The following RCBTB1 variants were observed in gnomAD, a reference collection of about 807,000 sequenced individuals.
The protein encoded by RCBTB1 is RCC1 and BTB domain containing protein 1, also known as RCC1 and BTB domain-containing protein 1.
In RCBTB1, 46 loss-of-function variants were observed where a neutral mutation model predicts 62.4. The ratio of observed to expected loss-of-function variants is 0.74; its 90% confidence interval spans 0.58 to 0.94. The LOEUF (loss-of-function observed/expected upper bound fraction) is 0.94. RCBTB1 is among the 40% of genes least tolerant of loss of function. The pLI is 0.00. For missense variants in RCBTB1, 565 were observed against 654.9 expected (o/e 0.86, Z 1.50); for synonymous variants, 222 against 245.8 (o/e 0.90, Z 0.91).
chr13:49,584,822 T>C (rs555746551), intron 1 of RCBTB1, among the ~76,000 whole-genome samples: 4 of 152,324 alleles, frequency 2.6e-5, no homozygotes, highest in South Asian at 2.1e-4. Flanking sequence ...AGGCCACTTA[T>C]GCGAGCAGAA....
intron 1 of RCBTB1, among the ~76,000 whole-genome samples, chr13:49,584,519 A>C (rs1964283444): frequency 6.6e-6 from 1 of 152,236 alleles, no homozygotes; most frequent in African/African-American, 2.4e-5. Context: ...TAAAGTTTAA[A>C]GCACCTATAA....
rs572487773 is a variant in RCBTB1, at chr13:49,533,979, A to G, written c.*143T>C. 3 of 786,780 alleles carry G rather than the reference A, an allele frequency of 3.8e-6. No homozygotes were observed. Among genetic ancestry groups the G allele is most frequent in the African/African-American group, 1.7e-5 (1 of 57,870 alleles). The allele number at this position is 786,780 out of a possible 1,614,324, so 48.7% of individuals were successfully genotyped here. A position where few individuals can be genotyped will look rare whatever the true frequency, so the allele number is the denominator to read the frequency against. The stretch of plus-strand genomic sequence containing the variant: ...AGCCGTACACCCTTGTTATGTTCCT[A>G]CACAAACAACTGTGTCCCAGATGTG... On this transcript the variant is annotated 3_prime_UTR_variant, in exon 13 of 13. Coordinates refer to ENST00000378302, the MANE Select transcript of RCBTB1 (RefSeq NM_018191.4).
intron 5 of RCBTB1, 24 bp from the exon 6 acceptor site, chr13:49,555,697 A>AGGAAAGAATAGTCAGGGT: frequency 6.6e-7 from 1 of 1,525,448 alleles, no homozygotes; most frequent in Non-Finnish European, 8.8e-7. Flanking sequence ...AAAAAGGAAA[A>AGGAAAGAATAGTCAGGGT]GGAAAGAATA....
intron 12 of RCBTB1, among the ~76,000 whole-genome samples, chr13:49,538,328 T>C (rs1037159355): frequency 2.6e-5 from 4 of 152,224 alleles, no homozygotes; most frequent in Admixed American, 2.0e-4. Context: ...ACTTCATTCA[T>C]GTACTCACTG....
chr13:49,540,098 G>A (rs1161693134), intron 12 of RCBTB1, among the ~76,000 whole-genome samples: 1 of 152,142 alleles, frequency 6.6e-6, no homozygotes, highest in African/African-American at 2.4e-5. Flanking sequence ...TATTCTCTCT[G>A]AATCTGTGAA....
chr13:49,559,883 A>G (rs1021166689), intron 5 of RCBTB1, 35 bp downstream of exon 5: 42 of 1,580,014 alleles, frequency 2.7e-5, no homozygotes, highest in Non-Finnish European at 3.3e-5. Context: ...ATGATGAAAA[A>G]AAAAAAGAAT....
At chr13:49,546,484 G>T in intron 9 of RCBTB1, 1 of 217,784 alleles carries the variant, frequency 4.6e-6, no homozygotes, top group Non-Finnish European at 7.8e-6. Context: ...GATGATTCAA[G>T]CACATTATGT....
At chr13:49,535,091 A>AT (rs1400902114) in intron 12 of RCBTB1, among the ~76,000 whole-genome samples, 1 of 152,158 alleles carries the variant, frequency 6.6e-6, no homozygotes, top group African/African-American at 2.4e-5. Context: ...TAATGACTTT[A>AT]TTTTTAAAGC....
At chr13:49,584,512 A>C (rs1436951186) in intron 1 of RCBTB1, among the ~76,000 whole-genome samples, 1 of 152,226 alleles carries the variant, frequency 6.6e-6, no homozygotes, top group Non-Finnish European at 1.5e-5. Flanking sequence ...AGTACTCTAA[A>C]GTTTAAAGCA....
At position 49,555,488 on chromosome 13, in the gene RCBTB1, A is replaced by G. The variant is rs755428749; in HGVS notation, c.603+27T>C. On this transcript the variant is annotated intron_variant, in intron 6 of 12. Coordinates refer to ENST00000378302, the MANE Select transcript of RCBTB1 (RefSeq NM_018191.4). ...CGTGTAATTGAAAAAGAAGGTAGAA[A>G]GGGAAATGGGAGTGGAGACACCTCA... 7 of 1,595,660 alleles carry G rather than the reference A, an allele frequency of 4.4e-6. No individual in the cohort carries two copies. In the South Asian group the frequency reaches 7.7e-5, roughly 18 times the overall value.
At chr13:49,570,868 G>A (rs113389663) in intron 2 of RCBTB1, among the ~76,000 whole-genome samples, 2 of 152,300 alleles carry the variant, frequency 1.3e-5, no homozygotes, top group African/African-American at 4.8e-5. Flanking sequence ...GAGGCTCAAA[G>A]GTGAAATGAC....
intron 8 of RCBTB1, chr13:49,549,875 T>C (rs1358217796): frequency 6.1e-6 from 6 of 985,404 alleles, no homozygotes; most frequent in Non-Finnish European, 7.2e-6. Context: ...TGAGTTAGGA[T>C]AGATCACACA....
At chr13:49,569,410 C>T (rs1216811414) in intron 2 of RCBTB1, among the ~76,000 whole-genome samples, 2 of 143,494 alleles carry the variant, frequency 1.4e-5, no homozygotes, top group Non-Finnish European at 3.0e-5. Flanking sequence ...CCCATTTCTA[C>T]AAAAAATACA....
chr13:49,543,234 A>G (rs1960526099), intron 10 of RCBTB1, among the ~76,000 whole-genome samples: 1 of 152,170 alleles, frequency 6.6e-6, no homozygotes, highest in South Asian at 2.1e-4. Flanking sequence ...ACTGCACTCT[A>G]GCCTGGGTGA....
intron 12 of RCBTB1, chr13:49,539,438 A>T (rs982556434): frequency 6.6e-6 from 1 of 152,218 alleles, no homozygotes; most frequent in African/African-American, 2.4e-5. Flanking sequence ...GATCTTAGCT[A>T]AAAGTGAGGA....
At chr13:49,575,081 G>A (rs1357199666) in intron 2 of RCBTB1, among the ~76,000 whole-genome samples, 5 of 152,146 alleles carry the variant, frequency 3.3e-5, no homozygotes, top group Non-Finnish European at 1.5e-5. Flanking sequence ...GGAATGGGGA[G>A]TTACTGTTTA....
chr13:49,552,307 A>T, intron 6 of RCBTB1, 22 bp from the exon 7 acceptor site: 1 of 1,503,808 alleles, frequency 6.6e-7, no homozygotes, highest in Non-Finnish European at 9.1e-7. Context: ...CAGAAGGGAG[A>T]GAGTGAGATT....
chr13:49,583,522 T>C (rs1373451083), intron 1 of RCBTB1, among the ~76,000 whole-genome samples: 2 of 152,158 alleles, frequency 1.3e-5, no homozygotes, highest in African/African-American at 4.8e-5. Flanking sequence ...ATACCCCTCT[T>C]GTGCATTCTT....
At chr13:49,553,627 T>C (rs542996147) in intron 6 of RCBTB1, among the ~76,000 whole-genome samples, 1 of 152,280 alleles carries the variant, frequency 6.6e-6, no homozygotes, top group Admixed American at 6.5e-5. Flanking sequence ...CTTGCTCAAA[T>C]TACAAACCCA....
Sources: gnomAD v4.1 joint callset for allele counts (sites outside exome capture counted in the v4.1 genomes callset) on GRCh38, gnomAD v4.1.1 for gene constraint, MANE v1.5 for transcripts, NCBI Gene and HGNC (gene_info 2026-07-23, HGNC 2026-07-21) for gene names.